The following GMDS variants were observed in gnomAD, a reference collection of about 807,000 sequenced individuals.
GMDS encodes GDP-mannose 4,6-dehydratase.
A neutral mutation model predicts 49.9 loss-of-function variants in GMDS; 20 were observed. That is an observed-to-expected ratio of 0.40 (90% CI 0.28 to 0.58). The LOEUF (loss-of-function observed/expected upper bound fraction) is 0.58, where lower values mean the gene tolerates loss of function less well. Among genes scored for constraint, GMDS ranks in the 20% least tolerant of loss-of-function variants. The pLI is 0.42. For synonymous variants in GMDS, 177 were observed against 178.6 expected (o/e 0.99, Z 0.07); for missense variants, 362 against 481.4 (o/e 0.75, Z 2.32).
chr6:2,085,117 T>C lies in GMDS; in HGVS notation c.345+30654A>G, dbSNP rs556014820. Reference sequence around the variant, plus strand: ...CTACAGTCCTATTTAACCAATGTCATGAGATCCTTAAGTTTATGAAAGTAT... The same window carrying C: ...CTACAGTCCTATTTAACCAATGTCACGAGATCCTTAAGTTTATGAAAGTAT... On this transcript the variant is annotated intron_variant, in intron 4 of 10. Coordinates refer to ENST00000380815, the MANE Select transcript of GMDS (RefSeq NM_001500.4). Among the ~76,000 whole-genome samples the C allele has an allele frequency of 2.0e-5, 3 of 152,110 alleles. No individual in the cohort carries two copies. The South Asian group carries it at 6.2e-4, about 32-fold the overall frequency.
At chr6:1,655,647 G>T (rs1561703972) in intron 9 of GMDS, among the ~76,000 whole-genome samples, 1 of 152,084 alleles carries the variant, frequency 6.6e-6, no homozygotes, top group Admixed American at 6.5e-5. Context: ...GGGATTACAG[G>T]CGCCAGCCAC....
At chr6:1,971,172 G>A (rs1764589977) in intron 4 of GMDS, among the ~76,000 whole-genome samples, 2 of 152,162 alleles carry the variant, frequency 1.3e-5, no homozygotes, top group African/African-American at 2.4e-5. Flanking sequence ...ATATATGCCA[G>A]TCTATAGTTT....
At chr6:2,060,308 G>A (rs571676707) in intron 4 of GMDS, among the ~76,000 whole-genome samples, 13 of 152,166 alleles carry the variant, frequency 8.5e-5, no homozygotes, top group South Asian at 2.1e-4. Context: ...CTCGTTTTTC[G>A]TTTTTTTGTT....
intron 1 of GMDS, among the ~76,000 whole-genome samples, chr6:2,188,970 C>T (rs1023984671): frequency 1.3e-5 from 2 of 152,082 alleles, no homozygotes; most frequent in Non-Finnish European, 2.9e-5. Context: ...CTGGGGTGAC[C>T]GTGTCACAAA....
intron 4 of GMDS, among the ~76,000 whole-genome samples, chr6:2,094,878 T>C (rs1773506162): frequency 6.6e-6 from 1 of 152,074 alleles, no homozygotes; most frequent in African/African-American, 2.4e-5. Context: ...ACCTGCAAAA[T>C]CTCTTCCAGC....
intron 4 of GMDS, among the ~76,000 whole-genome samples, chr6:2,037,987 A>G (rs1019365556): frequency 6.6e-6 from 1 of 151,338 alleles, no homozygotes; most frequent in Non-Finnish European, 1.5e-5. Context: ...CCCTGCCACA[A>G]TATCTCCAGT....
At chr6:2,035,835 C>CA (rs1352960720) in intron 4 of GMDS, among the ~76,000 whole-genome samples, 1 of 152,000 alleles carries the variant, frequency 6.6e-6, no homozygotes, top group African/African-American at 2.4e-5. Flanking sequence ...TACAGGTGTG[C>CA]ACCACCATGC....
rs77285507 is a variant in GMDS at position 2,007,735 on chromosome 6, T to C, written c.346-46769A>G. Among the ~76,000 whole-genome samples, 846 of 152,318 alleles carry C rather than the reference T, an allele frequency of 5.6e-3. 6 individuals carry two copies. The highest frequency in any genetic ancestry group is 0.019 in the African/African-American group (791 of 41,568). On this transcript the variant is annotated intron_variant, in intron 4 of 10. Coordinates refer to ENST00000380815, the MANE Select transcript of GMDS (RefSeq NM_001500.4). Reference sequence around the variant, plus strand: ...TTTTCTCATAAAAGAGCCTGATGTTTTAATTTCCTGGCTTCCAAAGCTTAA... The same window carrying C: ...TTTTCTCATAAAAGAGCCTGATGTTCTAATTTCCTGGCTTCCAAAGCTTAA...
chr6:1,930,130 A>G lies in GMDS; in HGVS notation c.744T>C (p.Asp248=), dbSNP rs149200491. 9.0e-5 allele frequency: 145 copies of G among 1,613,010 alleles called. No homozygotes were observed. The highest frequency in any genetic ancestry group is 2.0e-4 in the Admixed American group (12 of 59,936). The change falls in exon 7 of 11, where the codon GAT becomes GAC. Residue 248 remains aspartate (D), a synonymous_variant. Transcript: ENST00000380815. ...CCACATAGTCCTTGGCATGGCCCCA[A>G]TCTCGTTTGGCATCCAGATTTCCCA... ...FSLGNLDAKR[D]WGHAKDYVEA...
intron 7 of GMDS, among the ~76,000 whole-genome samples, chr6:1,852,991 C>T (rs576359697): frequency 6.1e-4 from 92 of 152,032 alleles, no homozygotes; most frequent in Admixed American, 4.3e-3. Flanking sequence ...CTTGAGCCAC[C>T]GCGCCTGCCT....
rs556807558 is a variant in GMDS, at chr6:2,201,539, C to T, written c.102+43782G>A. 5.5e-5 allele frequency among the ~76,000 whole-genome samples: 7 copies of T among 126,618 alleles called. No homozygotes were observed. The South Asian group carries it at 1.9e-3, about 34-fold the overall frequency. The allele number at this position is 126,618 out of a possible 152,430, so 83.1% of individuals were successfully genotyped here. On this transcript the variant is annotated intron_variant, in intron 1 of 10. Transcript: ENST00000380815. ...GGATGAAGAGAGAGCACCACATGGG[C>T]ATCCGAGATGAAACCATCTAGGCAG...
At chr6:1,824,954 G>A (rs900032040) in intron 7 of GMDS, among the ~76,000 whole-genome samples, 6 of 151,980 alleles carry the variant, frequency 3.9e-5, no homozygotes, top group African/African-American at 1.5e-4. Context: ...AAATCACCTC[G>A]GGCACCCAGC....
At chr6:2,032,298 C>T (rs749086325) in intron 4 of GMDS, among the ~76,000 whole-genome samples, 3 of 152,124 alleles carry the variant, frequency 2.0e-5, no homozygotes, top group Non-Finnish European at 4.4e-5. Flanking sequence ...TCAAGGATGC[C>T]TTAAGAGACA....
chr6:2,125,271 CTG>C (rs1484891918), intron 1 of GMDS, among the ~76,000 whole-genome samples: 2 of 136,648 alleles, frequency 1.5e-5, no homozygotes, highest in South Asian at 4.2e-4. Context: ...GACCTTAGCA[CTG>C]TTAAAACAAA....
intron 1 of GMDS, among the ~76,000 whole-genome samples, chr6:2,202,095 T>A (rs1269940080): frequency 1.4e-5 from 2 of 141,340 alleles, no homozygotes; most frequent in Non-Finnish European, 1.5e-5. Context: ...GAGCACCACA[T>A]GCACATCCGA....
chr6:2,212,796 C>T (rs1445695658), intron 1 of GMDS, among the ~76,000 whole-genome samples: 8 of 151,522 alleles, frequency 5.3e-5, no homozygotes. Flanking sequence ...ATGTGCAGCT[C>T]GACATGGATT....
chr6:1,892,799 T>G (rs1055283027), intron 7 of GMDS, among the ~76,000 whole-genome samples: 1 of 152,230 alleles, frequency 6.6e-6, no homozygotes, highest in Admixed American at 6.5e-5. Flanking sequence ...CCCCTAGCTG[T>G]GTCAATGGAA....
intron 7 of GMDS, among the ~76,000 whole-genome samples, chr6:1,841,908 A>G (rs1396247275): frequency 6.6e-6 from 1 of 152,112 alleles, no homozygotes; most frequent in African/African-American, 2.4e-5. Flanking sequence ...CCTAAATGCC[A>G]CTTCCTCTCC....
In GMDS at chr6:1,766,136, C is replaced by T. The variant is rs889478120; in HGVS notation, c.772-23550G>A. 1.3e-5 allele frequency among the ~76,000 whole-genome samples: 2 copies of T among 152,126 alleles called. No individual in the cohort carries two copies. Among genetic ancestry groups the T allele is most frequent in the Admixed American group, 1.3e-4 (2 of 15,284 alleles). The stretch of plus-strand genomic sequence containing the variant: ...TGAAGCTCAGGATGATTCATGGATT[C>T]GCTGCCCGTCTGTTTAAATGTAATA... On this transcript the variant is annotated intron_variant, in intron 7 of 10. Coordinates refer to ENST00000380815, the MANE Select transcript of GMDS (RefSeq NM_001500.4). This position sits in a 1 kb window ranked among gnomAD's most constrained non-coding sequence, Gnocchi z 4.5.
Sources: allele counts gnomAD v4.1 joint callset (sites outside exome capture counted in the v4.1 genomes callset), GRCh38; gene constraint gnomAD v4.1.1; non-coding constraint Gnocchi (gnomAD v3.1); transcripts MANE v1.5; gene names NCBI Gene and HGNC (gene_info 2026-07-23, HGNC 2026-07-21).